The following MYO5A variants were observed in gnomAD, a reference collection of about 807,000 sequenced individuals.
The protein encoded by MYO5A is myosin VA.
In MYO5A, 98 loss-of-function variants were observed where a neutral mutation model predicts 249.7. The observed-to-expected ratio is 0.39, with a 90% confidence interval of 0.33 to 0.46. The LOEUF is 0.46. MYO5A is among the 20% of genes least tolerant of loss of function. MYO5A has a pLI of 0.98. For synonymous variants in MYO5A, 778 were observed against 810.6 expected (o/e 0.96, Z 0.68); for missense variants, 1,696 against 2,308.8 (o/e 0.73, Z 5.44).
intron 30 of MYO5A, among the ~76,000 whole-genome samples, chr15:52,343,868 T>G (rs1176262709): frequency 6.6e-6 from 1 of 152,210 alleles, no homozygotes; most frequent in Non-Finnish European, 1.5e-5. Context: ...ATGTTAGTAA[T>G]CATTTATTTT....
chr15:52,309,190 T>G lies in MYO5A; in HGVS notation c.*4506A>C, dbSNP rs1213242268. On this transcript the variant is annotated 3_prime_UTR_variant, in exon 42 of 42. Coordinates refer to ENST00000399233, the MANE Select transcript of MYO5A (RefSeq NM_001382347.1). ...CTCTTAATTTCAGAGAGGCTTTTGCTGTTTCCTGTCTTTTTGGTTGAGACA... is the reference window on the plus strand; with the variant it reads ...CTCTTAATTTCAGAGAGGCTTTTGCGGTTTCCTGTCTTTTTGGTTGAGACA... The G allele has an allele frequency of 6.6e-6, 1 of 152,380 alleles. No individual in the cohort carries two copies. The highest frequency in any genetic ancestry group is 6.5e-5 in the Admixed American group (1 of 15,288). The allele number at this position is 152,380 out of a possible 1,614,324, so 9.4% of individuals were successfully genotyped here.
intron 4 of MYO5A, among the ~76,000 whole-genome samples, chr15:52,420,723 A>G (rs765547361): frequency 7.9e-5 from 12 of 152,248 alleles, no homozygotes; most frequent in Non-Finnish European, 1.2e-4. Context: ...AAGTATAAAT[A>G]TAAATCAGAC....
At chr15:52,448,926 A>ATTTC (rs1160982412) in intron 1 of MYO5A, among the ~76,000 whole-genome samples, 1 of 36,268 alleles carries the variant, frequency 2.8e-5, no homozygotes, top group Non-Finnish European at 5.9e-5. Flanking sequence ...AGTCTCAGGT[A>ATTTC]TTTCTTTTTT....
At chr15:52,328,086 T>C (rs532406701) in intron 35 of MYO5A, 80 bp from the exon 36 acceptor site, 1 of 1,199,698 alleles carries the variant, frequency 8.3e-7, no homozygotes, top group South Asian at 1.3e-5. Flanking sequence ...AAAACACAGT[T>C]GTCATGTAAG....
chr15:52,477,238 T>C (rs1283782197), intron 1 of MYO5A, among the ~76,000 whole-genome samples: 1 of 152,234 alleles, frequency 6.6e-6, no homozygotes, highest in Admixed American at 6.5e-5. Context: ...GGTTTTCAGC[T>C]CCATCAGGTA....
intron 11 of MYO5A, among the ~76,000 whole-genome samples, chr15:52,394,299 G>T (rs1250542655): frequency 1.3e-5 from 2 of 152,186 alleles, no homozygotes; most frequent in Non-Finnish European, 2.9e-5. Context: ...AATGAACAGT[G>T]TTAATCAGAT....
chr15:52,332,673 T>A (rs2038943573), intron 34 of MYO5A, among the ~76,000 whole-genome samples: 1 of 152,092 alleles, frequency 6.6e-6, no homozygotes, highest in African/African-American at 2.4e-5. Flanking sequence ...CTAATTAAAA[T>A]AAAATGTTGG....
chr15:52,410,584 A>G, intron 5 of MYO5A, 108 bp from the exon 6 acceptor site: 1 of 1,032,080 alleles, frequency 9.7e-7, no homozygotes, highest in Non-Finnish European at 1.4e-6. Context: ...GGTCCTTAAA[A>G]TTGATTTTTT....
rs58058940 is a variant in MYO5A, at chr15:52,329,905, A to ATTTTTTTTTTTTTTTTT, written c.4555+431_4555+447dup. Among the ~76,000 whole-genome samples, 295 of 119,656 alleles carry ATTTTTTTTTTTTTTTTT rather than the reference A, an allele frequency of 2.5e-3. 7 individuals are homozygous for ATTTTTTTTTTTTTTTTT. Among genetic ancestry groups the ATTTTTTTTTTTTTTTTT allele is most frequent in the Middle Eastern group, 8.7e-3 (2 of 230 alleles). The allele number at this position is 119,656 out of a possible 152,430, so 78.5% of individuals were successfully genotyped here. ...AGGCATGTACCACCTCGCCTGGGTA[A>ATTTTTTTTTTTTTTTTT]TTTTTTTTTTTTTTTTTTTTTTTTT... On this transcript the variant is annotated intron_variant, in intron 35 of 41. Coordinates refer to ENST00000399233, the MANE Select transcript of MYO5A (RefSeq NM_001382347.1).
At chr15:52,465,945 G>A (rs1056182274) in intron 1 of MYO5A, among the ~76,000 whole-genome samples, 5 of 151,832 alleles carry the variant, frequency 3.3e-5, no homozygotes, top group South Asian at 2.1e-4. Flanking sequence ...GGCCAGGACC[G>A]GCCAAAAACC....
At chr15:52,400,271 T>A (rs1880115001) in intron 9 of MYO5A, among the ~76,000 whole-genome samples, 1 of 152,212 alleles carries the variant, frequency 6.6e-6, no homozygotes, top group South Asian at 2.1e-4. Flanking sequence ...ACTCCAAACA[T>A]CCCATTCCAA....
intron 38 of MYO5A, 111 bp from the exon 39 acceptor site, chr15:52,319,453 C>A (rs1026079269): frequency 8.5e-7 from 1 of 1,181,928 alleles, no homozygotes; most frequent in South Asian, 1.2e-5. Flanking sequence ...ATTAGCTGGG[C>A]ACGGTGGCTC....
chr15:52,449,886 A>G (rs1225868374), intron 1 of MYO5A, among the ~76,000 whole-genome samples: 1 of 152,148 alleles, frequency 6.6e-6, no homozygotes, highest in Non-Finnish European at 1.5e-5. Flanking sequence ...CTGCAGTCCC[A>G]GCTACTTAGA....
At chr15:52,463,059 C>G (rs2076284712) in intron 1 of MYO5A, among the ~76,000 whole-genome samples, 1 of 152,052 alleles carries the variant, frequency 6.6e-6, no homozygotes. Context: ...ACAGAAAGAT[C>G]AAAATTGATT....
At chr15:52,372,046 A>C in intron 21 of MYO5A, 78 bp downstream of exon 21, 1 of 1,604,740 alleles carries the variant, frequency 6.2e-7, no homozygotes, top group Non-Finnish European at 8.5e-7. Context: ...GTAAAGTCAA[A>C]GAAAAACAAT....
At chr15:52,385,268 C>T (rs1696437174) in intron 14 of MYO5A, among the ~76,000 whole-genome samples, 1 of 152,124 alleles carries the variant, frequency 6.6e-6, no homozygotes, top group South Asian at 2.1e-4. Context: ...CTTAATACAA[C>T]CTATTTAATC....
chr15:52,316,286 A>T (rs1654420176), intron 40 of MYO5A, among the ~76,000 whole-genome samples: 1 of 152,054 alleles, frequency 6.6e-6, no homozygotes, highest in African/African-American at 2.4e-5. Context: ...TCAGCACAGA[A>T]AATAACCGGG....
At chr15:52,337,971 T>G (rs1226649567) in intron 32 of MYO5A, 87 bp from the exon 33 acceptor site, 1 of 887,150 alleles carries the variant, frequency 1.1e-6, no homozygotes, top group African/African-American at 1.7e-5. Context: ...TTTAAAATAT[T>G]TTAAAATACA....
chr15:52,500,646 C>A (rs766624826), intron 1 of MYO5A, among the ~76,000 whole-genome samples: 3 of 152,218 alleles, frequency 2.0e-5, no homozygotes, highest in South Asian at 4.1e-4. Flanking sequence ...CCATGCCTGG[C>A]CTCTTTGCCC....
Sources: gnomAD v4.1 joint callset for allele counts (sites outside exome capture counted in the v4.1 genomes callset) on GRCh38, gnomAD v4.1.1 for gene constraint, MANE v1.5 for transcripts, NCBI Gene and HGNC (gene_info 2026-07-23, HGNC 2026-07-21) for gene names.